CAPN1: variants seen among roughly 807,000 people sequenced by gnomAD.
CAPN1 encodes the protein calpain-1 catalytic subunit.
Under a neutral mutation model 105.2 loss-of-function variants are expected in CAPN1, and 77 were observed. The observed-to-expected ratio is 0.73, with a 90% CI of 0.61 to 0.88. CAPN1 has a LOEUF of 0.88. CAPN1 is among the 40% of genes least tolerant of loss of function. The pLI is 0.00. For missense variants in CAPN1, 833 were observed against 976.6 expected, an observed-to-expected ratio of 0.85 and a Z score of 1.96; for synonymous variants, 355 against 388.8, an observed-to-expected ratio of 0.91 and a Z score of 1.02.
rs542278874 is a variant in CAPN1 at position 65,211,817 on chromosome 11, G to T, written c.*531G>T. On this transcript the variant is annotated 3_prime_UTR_variant, in exon 22 of 22. Coordinates refer to ENST00000279247, the MANE Select transcript of CAPN1 (RefSeq NM_005186.4). ...TCCCTGGCCCTGCTGCCGACCAGGAGCTGCCCAGCCTGTGGGCGGTCGGCC... is the reference window on the plus strand; with the variant it reads ...TCCCTGGCCCTGCTGCCGACCAGGATCTGCCCAGCCTGTGGGCGGTCGGCC... 9.9e-5 allele frequency: 16 copies of T among 160,936 alleles called. No individual in the cohort carries two copies. In the South Asian group the frequency reaches 2.8e-3, roughly 29 times the overall value. The allele number at this position is 160,936 out of a possible 1,614,324, so 10.0% of individuals were successfully genotyped here. A position where few individuals can be genotyped will look rare whatever the true frequency, so the allele number is the denominator to read the frequency against.
Position 65,210,492 on chromosome 11 carries a change from C to A in CAPN1, c.2059+40C>A. On this transcript the variant is annotated intron_variant, in intron 20 of 21. Transcript: ENST00000279247. This position sits in a 1 kb window ranked among gnomAD's most constrained non-coding sequence, Gnocchi z 4.3. Reference sequence around the variant, plus strand: ...CTGCCTCCCACCCTCCAGCTCCGTCCCAAACGCGTCCCCCAGGAGCTGGGG... The same window carrying A: ...CTGCCTCCCACCCTCCAGCTCCGTCACAAACGCGTCCCCCAGGAGCTGGGG... The A allele has an allele frequency of 8.3e-7, 1 of 1,200,518 alleles. No homozygotes were observed. The allele number at this position is 1,200,518 out of a possible 1,614,324, so 74.4% of individuals were successfully genotyped here. A position where few individuals can be genotyped will look rare whatever the true frequency, so the allele number is the denominator to read the frequency against.
In CAPN1 at chr11:65,187,944, C is replaced by A; in HGVS notation, c.844-11C>A. The A allele has an allele frequency of 6.4e-7, 1 of 1,550,562 alleles. No individual in the cohort carries two copies. ...CTGGAAGCTAGCACTGACAGGAGCTCTGGCAAATAGGTGAACTACCGAGGC... is the reference window on the plus strand; with the variant it reads ...CTGGAAGCTAGCACTGACAGGAGCTATGGCAAATAGGTGAACTACCGAGGC... On this transcript the variant is annotated splice_polypyrimidine_tract_variant and intron_variant, in intron 7 of 21. Coordinates refer to ENST00000279247, the MANE Select transcript of CAPN1 (RefSeq NM_005186.4).
At chr11:65,205,126 G>A (rs1327351337) in intron 11 of CAPN1, among the ~76,000 whole-genome samples, 2 of 152,246 alleles carry the variant, frequency 1.3e-5, no homozygotes, top group African/African-American at 4.8e-5. Flanking sequence ...AGGGCGGCCT[G>A]CTGCTCTTGG....
intron 10 of CAPN1, among the ~76,000 whole-genome samples, chr11:65,194,523 G>A (rs565996198): frequency 2.0e-5 from 3 of 152,128 alleles, no homozygotes; most frequent in African/African-American, 4.8e-5. Flanking sequence ...AAGCATTGCC[G>A]TTATCCAGAG....
chr11:65,188,604 C>T lies in CAPN1; in HGVS notation c.1023C>T (p.Phe341=). The change falls in exon 10 of 22, where the codon TTC becomes TTT. Residue 341 remains phenylalanine, a synonymous_variant. Transcript: ENST00000279247. The surrounding 1 kb of genome is among the most constrained non-coding windows in gnomAD (Gnocchi z 5.5). ...DGEFWMSFRD[F]MREFTRLEIC... ...ACCTCAGGATGTCATTCCGAGACTT[C>T]ATGCGGGAGTTCACCCGCCTGGAGA... is the stretch of plus-strand genomic sequence containing the variant. The T allele has an allele frequency of 6.2e-7, 1 of 1,614,024 alleles. No homozygotes were observed. The highest frequency in any genetic ancestry group is 8.5e-7 in the Non-Finnish European group (1 of 1,179,882).
chr11:65,186,269 T>C lies in CAPN1; in HGVS notation c.690T>C (p.Ala230=), dbSNP rs1948632055. The change falls in exon 6 of 22, where the codon GCT becomes GCC. Residue 230 remains alanine (A), a synonymous_variant. Coordinates refer to ENST00000279247, the MANE Select transcript of CAPN1 (RefSeq NM_005186.4). ...GVTEWYELRK[A]PSDLYQIILK... ...CCGAGTGGTACGAGTTGCGCAAGGCTCCCAGTGACCTCTACCAGATCATCC... is the reference window on the plus strand; with the variant it reads ...CCGAGTGGTACGAGTTGCGCAAGGCCCCCAGTGACCTCTACCAGATCATCC... The C allele has an allele frequency of 6.2e-7, 1 of 1,613,450 alleles. No homozygotes were observed. The highest frequency in any genetic ancestry group is 1.3e-5 in the African/African-American group (1 of 74,960).
rs1948541112 is a variant in CAPN1, at chr11:65,181,995, C to A, written c.-20C>A. On this transcript the variant is annotated 5_prime_UTR_variant, in exon 1 of 22. Transcript: ENST00000279247. This position sits in a 1 kb window ranked among gnomAD's most constrained non-coding sequence, Gnocchi z 4.6. ...CCAGCCTCAGGGACTGCAGCGACCC[C>A]CAAACACCCCTCCCCCAGGTAAGAA... 6.3e-6 allele frequency: 1 copy of A among 158,784 alleles called. No individual in the cohort carries two copies. The highest frequency in any genetic ancestry group is 2.4e-5 in the African/African-American group (1 of 41,454). The allele number at this position is 158,784 out of a possible 1,614,324, so 9.8% of individuals were successfully genotyped here. A position where few individuals can be genotyped will look rare whatever the true frequency, so the allele number is the denominator to read the frequency against.
intron 4 of CAPN1, among the ~76,000 whole-genome samples, chr11:65,184,849 G>A (rs887190605): frequency 6.6e-6 from 1 of 152,172 alleles, no homozygotes; most frequent in Admixed American, 6.5e-5. Flanking sequence ...GGCTTTGCCT[G>A]TGCTCTTGTT....
At chr11:65,181,425 G>T (rs1313751364), upstream of CAPN1, 1 of 234,022 alleles carries the variant, frequency 4.3e-6, no homozygotes, top group Non-Finnish European at 8.8e-6. This position sits in a 1 kb window ranked among gnomAD's most constrained non-coding sequence, Gnocchi z 4.6. Flanking sequence ...TCTCGGCCCC[G>T]CGCCGGGGCT....
intron 6 of CAPN1, among the ~76,000 whole-genome samples, 160 bp downstream of exon 6, chr11:65,186,498 C>G (rs113514762): frequency 1.6e-4 from 25 of 152,198 alleles, no homozygotes; most frequent in African/African-American, 5.8e-4. Context: ...CTTCCACCCC[C>G]CATGCCTGGT....
chr11:65,182,310 T>G, intron 1 of CAPN1: 4 of 110,646 alleles, frequency 3.6e-5, no homozygotes, highest in South Asian at 2.7e-4. Context: ...AGGAGCTTGG[T>G]TAGTTTGGGG....
Position 65,209,102 on chromosome 11 carries a change from A to C in CAPN1, c.1730-221A>C. 1.7e-6 allele frequency: 1 copy of C among 588,326 alleles called. No homozygotes were observed. The highest frequency in any genetic ancestry group is 3.1e-6 in the Non-Finnish European group (1 of 327,772). 36.4% of individuals were successfully genotyped at this position (588,326 alleles called of 1,614,324 possible). On this transcript the variant is annotated intron_variant, in intron 16 of 21. Coordinates refer to ENST00000279247, the MANE Select transcript of CAPN1 (RefSeq NM_005186.4). This position sits in a 1 kb window ranked among gnomAD's most constrained non-coding sequence, Gnocchi z 4.1. ...TTCTGTTTCACACTCATTTCTTTTT[A>C]CTTTGGACTAATTGTGGCTGTTGGG... is the stretch of plus-strand genomic sequence containing the variant.
chr11:65,208,232 C>T lies in CAPN1; in HGVS notation c.1699C>T (p.Arg567Trp), dbSNP rs200944311. ...CATGGAGATCAGCGTGAAGGAGTTG[C>T]GGACAATCCTCAATAGGATCATCAG... ...EDMEISVKEL[R>W]TILNRIISKH... The change falls in exon 16 of 22, where the codon CGG becomes TGG. Residue 567 changes from arginine (R) to tryptophan (W), a missense_variant. Coordinates refer to ENST00000279247, the MANE Select transcript of CAPN1 (RefSeq NM_005186.4). The surrounding 1 kb of genome is among the most constrained non-coding windows in gnomAD (Gnocchi z 4.1). The T allele has an allele frequency of 1.8e-4, 291 of 1,573,966 alleles. No homozygotes were observed. The highest frequency in any genetic ancestry group is 2.2e-4 in the Non-Finnish European group (258 of 1,159,582).
intron 4 of CAPN1, among the ~76,000 whole-genome samples, chr11:65,184,477 C>T (rs1256351750): frequency 1.3e-5 from 2 of 151,794 alleles, no homozygotes; most frequent in East Asian, 1.9e-4. Flanking sequence ...GCCTCCACCC[C>T]GCCCCGCCCC....
chr11:65,210,493 C>G lies in CAPN1; in HGVS notation c.2059+41C>G. On this transcript the variant is annotated intron_variant, in intron 20 of 21. Transcript: ENST00000279247. This position sits in a 1 kb window ranked among gnomAD's most constrained non-coding sequence, Gnocchi z 4.3. ...TGCCTCCCACCCTCCAGCTCCGTCC[C>G]AAACGCGTCCCCCAGGAGCTGGGGG... is the stretch of plus-strand genomic sequence containing the variant. 1 of 1,201,020 alleles carries G rather than the reference C, an allele frequency of 8.3e-7. No homozygotes were observed. Among genetic ancestry groups the G allele is most frequent in the Non-Finnish European group, 1.2e-6 (1 of 815,354 alleles). The allele number at this position is 1,201,020 out of a possible 1,614,324, so 74.4% of individuals were successfully genotyped here.
In CAPN1 at chr11:65,211,354, C is replaced by A; in HGVS notation, c.*68C>A. 6.6e-7 allele frequency: 1 copy of A among 1,520,998 alleles called. No individual in the cohort carries two copies. The highest frequency in any genetic ancestry group is 9.0e-7 in the Non-Finnish European group (1 of 1,106,230). The allele number at this position is 1,520,998 out of a possible 1,614,324, so 94.2% of individuals were successfully genotyped here. On this transcript the variant is annotated 3_prime_UTR_variant, in exon 22 of 22. Coordinates refer to ENST00000279247, the MANE Select transcript of CAPN1 (RefSeq NM_005186.4). ...GTCTGCCAAGCCTCGCCTCCTACCA[C>A]ACCACACCAGGCCACCCCAGCTGCA...
intron 12 of CAPN1, chr11:65,206,020 C>T (rs948765112): frequency 3.3e-4 from 174 of 532,700 alleles, no homozygotes; most frequent in African/African-American, 2.8e-3. Flanking sequence ...CCAACTAGGG[C>T]GGTCCAGCAA....
chr11:65,188,093 C>A lies in CAPN1; in HGVS notation c.929+53C>A. The A allele has an allele frequency of 7.9e-7, 1 of 1,271,232 alleles. No homozygotes were observed. The allele number at this position is 1,271,232 out of a possible 1,614,324, so 78.7% of individuals were successfully genotyped here. A position where few individuals can be genotyped will look rare whatever the true frequency, so the allele number is the denominator to read the frequency against. On this transcript the variant is annotated intron_variant, in intron 8 of 21. Coordinates refer to ENST00000279247, the MANE Select transcript of CAPN1 (RefSeq NM_005186.4). This position sits in a 1 kb window ranked among gnomAD's most constrained non-coding sequence, Gnocchi z 5.5. ...TGCCTTGGGGAAACTGTTAGGTGCC[C>A]CGACATTTCTGCTCGGGACTCTACC...
intron 12 of CAPN1, 96 bp from the exon 13 acceptor site, chr11:65,206,367 G>T (rs1948956771): frequency 1.1e-6 from 1 of 937,866 alleles, no homozygotes; most frequent in South Asian, 1.4e-5. Flanking sequence ...CAGCCCCTTG[G>T]CCAGGACAAG....
Sources: gnomAD v4.1 joint callset for allele counts (sites outside exome capture counted in the v4.1 genomes callset) on GRCh38, gnomAD v4.1.1 for gene constraint, Gnocchi (gnomAD v3.1) non-coding constraint, MANE v1.5 for transcripts, NCBI Gene and HGNC (gene_info 2026-07-23, HGNC 2026-07-21) for gene names.